Variants in TTC33 observed in about 807,000 individuals in gnomAD.
TTC33 encodes the protein tetratricopeptide repeat protein 33.
A neutral mutation model predicts 29.4 loss-of-function variants in TTC33; 24 were observed. That is an observed-to-expected ratio of 0.82 (90% CI 0.59 to 1.15). The LOEUF (loss-of-function observed/expected upper bound fraction) is 1.15. Among genes scored for constraint, TTC33 ranks in the 50% most tolerant of loss-of-function variants. The pLI, the probability that TTC33 is intolerant of heterozygous loss-of-function variation, is 0.00. For missense variants in TTC33, 286 were observed against 310.4 expected, an observed-to-expected ratio of 0.92 and a Z score of 0.59; for synonymous variants, 107 against 100.3, an observed-to-expected ratio of 1.07 and a Z score of -0.40.
chr5:40,752,167 A>G (rs1315687803), intron 1 of TTC33, among the ~76,000 whole-genome samples: 1 of 152,192 alleles, frequency 6.6e-6, no homozygotes, highest in Non-Finnish European at 1.5e-5. Context: ...GCATTCACAG[A>G]ATTGAAGAGA....
intron 4 of TTC33, among the ~76,000 whole-genome samples, chr5:40,716,957 G>A (rs62356507): frequency 6.6e-6 from 1 of 152,034 alleles, no homozygotes; most frequent in Non-Finnish European, 1.5e-5. Context: ...GGCTGGGCAC[G>A]GTGGCTCATA....
intron 2 of TTC33, among the ~76,000 whole-genome samples, chr5:40,734,901 G>A (rs902079926): frequency 1.3e-5 from 2 of 152,176 alleles, no homozygotes; most frequent in Admixed American, 1.3e-4. Flanking sequence ...ACAAATGGAG[G>A]AATGTGATAG....
At position 40,725,960 on chromosome 5, in the gene TTC33, T is replaced by G. The variant is rs529692134; in HGVS notation, c.435+2385A>C. 1.6e-3 allele frequency among the ~76,000 whole-genome samples: 250 copies of G among 151,920 alleles called. 1 individual carries two copies. Among genetic ancestry groups the G allele is most frequent in the African/African-American group, 5.7e-3 (238 of 41,470 alleles). On this transcript the variant is annotated intron_variant, in intron 4 of 4. Coordinates refer to ENST00000337702, the MANE Select transcript of TTC33 (RefSeq NM_012382.3). ...GCCACCACGTCCAGCTAATTTTTTG[T>G]ATTTTTAGTAGAGACGGGGTTTCAC...
chr5:40,744,949 C>A (rs555358870), intron 2 of TTC33, among the ~76,000 whole-genome samples: 42 of 152,214 alleles, frequency 2.8e-4, no homozygotes, highest in Non-Finnish European at 5.4e-4. Context: ...ATGTTACCTA[C>A]GACATATACT....
In TTC33 at chr5:40,740,579, G is replaced by C. The variant is rs183082932; in HGVS notation, c.221+6219C>G. ...TGGCTTTTCTCCACATTAACTGGAAGTAGCAGAAATAAGAAGACCAGCTCA... is the reference window on the plus strand; with the variant it reads ...TGGCTTTTCTCCACATTAACTGGAACTAGCAGAAATAAGAAGACCAGCTCA... On this transcript the variant is annotated intron_variant, in intron 2 of 4. Coordinates refer to ENST00000337702, the MANE Select transcript of TTC33 (RefSeq NM_012382.3). Among the ~76,000 whole-genome samples the C allele has an allele frequency of 2.6e-5, 4 of 152,302 alleles. No homozygotes were observed. In the East Asian group the frequency reaches 7.7e-4, roughly 29 times the overall value.
intron 4 of TTC33, among the ~76,000 whole-genome samples, chr5:40,722,733 C>T (rs946481502): frequency 2.0e-5 from 3 of 149,982 alleles, no homozygotes; most frequent in Admixed American, 1.3e-4. Context: ...CGGGAGGTGG[C>T]GGGGCAGCCC....
At chr5:40,737,230 G>A (rs1454695199) in intron 2 of TTC33, among the ~76,000 whole-genome samples, 2 of 151,796 alleles carry the variant, frequency 1.3e-5, no homozygotes, top group African/African-American at 4.8e-5. Flanking sequence ...CTGGAAAGTG[G>A]AGATTGCAAT....
intron 4 of TTC33, among the ~76,000 whole-genome samples, chr5:40,727,557 T>C (rs1450851284): frequency 1.3e-5 from 2 of 152,214 alleles, no homozygotes; most frequent in African/African-American, 2.4e-5. Context: ...CTACTCTTCC[T>C]CTTTATCCCC....
intron 3 of TTC33, among the ~76,000 whole-genome samples, 182 bp from the exon 4 acceptor site, chr5:40,728,658 T>C (rs1184244598): frequency 1.3e-5 from 2 of 152,206 alleles, no homozygotes; most frequent in Non-Finnish European, 2.9e-5. Flanking sequence ...ACCCCTTATA[T>C]AACTATGAAA....
chr5:40,721,801 G>C (rs1340577455), intron 4 of TTC33, among the ~76,000 whole-genome samples: 2 of 152,142 alleles, frequency 1.3e-5, no homozygotes, highest in South Asian at 4.1e-4. Flanking sequence ...AGGCAAGTGA[G>C]ATTACATCAA....
intron 4 of TTC33, among the ~76,000 whole-genome samples, chr5:40,726,175 GTATA>G (rs1001436312): frequency 7.1e-6 from 1 of 141,546 alleles, no homozygotes; most frequent in Non-Finnish European, 1.5e-5. Flanking sequence ...ACACACACAC[GTATA>G]TATATATAAA....
At chr5:40,720,361 G>A (rs1006160555) in intron 4 of TTC33, among the ~76,000 whole-genome samples, 2 of 152,104 alleles carry the variant, frequency 1.3e-5, no homozygotes, top group African/African-American at 4.8e-5. Flanking sequence ...TAAAAATGTA[G>A]GTTTATTTCT....
intron 1 of TTC33, 56 bp from the exon 2 acceptor site, chr5:40,747,075 T>G (rs75702498): frequency 2.8e-6 from 4 of 1,418,390 alleles, no homozygotes; most frequent in Non-Finnish European, 2.9e-6. Flanking sequence ...TTTTTTTTTT[T>G]GAGATGGAGT....
In TTC33 at chr5:40,746,942, G is replaced by A. The variant is rs982446031; in HGVS notation, c.77C>T (p.Ala26Val). 4 of 1,614,032 alleles carry A rather than the reference G, an allele frequency of 2.5e-6. No individual in the cohort carries two copies. In the African/African-American group the frequency reaches 5.3e-5, roughly 22 times the overall value. ...GTCAACTACATCCTTCTCATCAGCA[G>A]CTTCAGCTTCAAACTGCTGGGAAGT... ...KVTSQQFEAE[A>V]ADEKDVVDND... The change falls in exon 2 of 5, where the codon GCT becomes GTT. Residue 26 changes from alanine to valine, a missense_variant. Transcript: ENST00000337702.
intron 4 of TTC33, among the ~76,000 whole-genome samples, chr5:40,719,523 G>A (rs899442680): frequency 9.2e-5 from 14 of 152,150 alleles, no homozygotes; most frequent in Admixed American, 9.2e-4. Context: ...TTATGTAAAT[G>A]TTTTTGTGTG....
intron 1 of TTC33, among the ~76,000 whole-genome samples, chr5:40,753,693 A>G (rs573110137): frequency 6.6e-6 from 1 of 152,326 alleles, no homozygotes; most frequent in East Asian, 1.9e-4. Context: ...GACTCACAAG[A>G]TATCAGTGTA....
chr5:40,730,400 C>CA, intron 2 of TTC33, 57 bp from the exon 3 acceptor site: 47 of 1,437,662 alleles, frequency 3.3e-5, no homozygotes, highest in South Asian at 4.8e-5. Flanking sequence ...TTTGGACTTT[C>CA]AAAAAAAAAT....
At chr5:40,718,585 C>G (rs144445003) in intron 4 of TTC33, among the ~76,000 whole-genome samples, 14 of 151,774 alleles carry the variant, frequency 9.2e-5, no homozygotes, top group African/African-American at 3.4e-4. Context: ...ACTAAAAATA[C>G]AAAAATTAGC....
chr5:40,730,409 AT>A (rs1742400337), intron 2 of TTC33, 66 bp from the exon 3 acceptor site: 11 of 1,305,836 alleles, frequency 8.4e-6, no homozygotes, highest in Admixed American at 1.8e-5. Flanking sequence ...TCAAAAAAAA[AT>A]TTTTATTGTA....
Sources: gnomAD v4.1 joint callset for allele counts (sites outside exome capture counted in the v4.1 genomes callset) on GRCh38, gnomAD v4.1.1 for gene constraint, MANE v1.5 for transcripts, NCBI Gene and HGNC (gene_info 2026-07-23, HGNC 2026-07-21) for gene names.